Variants in SGMS1 observed in about 807,000 individuals in gnomAD.
SGMS1 encodes sphingomyelin synthase 1.
In SGMS1, 13 loss-of-function variants were observed where a neutral mutation model predicts 46.2. The observed-to-expected ratio is 0.28, with a 90% CI of 0.18 to 0.45. The LOEUF is 0.45. Ranked by LOEUF, SGMS1 falls within the 20% of genes least tolerant of loss-of-function variation. SGMS1 has a pLI of 1.00. For synonymous variants in SGMS1, 203 were observed against 187.8 expected, an observed-to-expected ratio of 1.08 and a Z score of -0.66; for missense variants, 324 against 519.9, an observed-to-expected ratio of 0.62 and a Z score of 3.66.
chr10:50,563,308 G>A (rs1171275680), intron 2 of SGMS1, among the ~76,000 whole-genome samples: 1 of 152,178 alleles, frequency 6.6e-6, no homozygotes, highest in East Asian at 1.9e-4. Context: ...GTACACACAG[G>A]GCAAACGGTC....
chr10:50,442,593 G>A (rs1849560517), intron 5 of SGMS1, among the ~76,000 whole-genome samples: 1 of 152,158 alleles, frequency 6.6e-6, no homozygotes, highest in African/African-American at 2.4e-5. Context: ...TATCACTGAT[G>A]GGCATTTAGG....
intron 4 of SGMS1, among the ~76,000 whole-genome samples, chr10:50,462,867 G>A (rs756762884): frequency 3.3e-5 from 5 of 152,098 alleles, no homozygotes; most frequent in Non-Finnish European, 5.9e-5. Flanking sequence ...CCCTGCCTGT[G>A]AAGCAAAAAG....
chr10:50,351,609 T>C (rs1848013910), intron 6 of SGMS1, among the ~76,000 whole-genome samples: 1 of 152,192 alleles, frequency 6.6e-6, no homozygotes, highest in Admixed American at 6.5e-5. Context: ...TGAATAAGTC[T>C]CATGAGATCT....
intron 6 of SGMS1, among the ~76,000 whole-genome samples, chr10:50,403,940 A>C (rs1250132904): frequency 6.6e-6 from 1 of 151,886 alleles, no homozygotes; most frequent in Non-Finnish European, 1.5e-5. Context: ...AACATGTTTA[A>C]TATTCCTTAC....
intron 3 of SGMS1, among the ~76,000 whole-genome samples, chr10:50,481,297 A>G (rs1031090674): frequency 6.6e-6 from 1 of 152,222 alleles, no homozygotes; most frequent in Non-Finnish European, 1.5e-5. Flanking sequence ...GCATCAGGTC[A>G]GTGCCCTTCT....
chr10:50,401,188 C>T (rs1848935405), intron 6 of SGMS1, among the ~76,000 whole-genome samples: 1 of 152,154 alleles, frequency 6.6e-6, no homozygotes, highest in Admixed American at 6.5e-5. Context: ...ACAGCAAGTT[C>T]TAAACTAGCC....
intron 6 of SGMS1, among the ~76,000 whole-genome samples, chr10:50,408,517 A>G (rs1849054177): frequency 6.6e-6 from 1 of 151,188 alleles, no homozygotes; most frequent in Non-Finnish European, 1.5e-5. Context: ...CCCCATCTCT[A>G]CTAAAAATAC....
rs116174620 is a variant in SGMS1, at chr10:50,313,578, A to G, written c.742-2163T>C. Among the ~76,000 whole-genome samples the G allele has an allele frequency of 8.9e-3, 1,357 of 152,346 alleles. 14 individuals are homozygous for G. Among genetic ancestry groups the G allele is most frequent in the African/African-American group, 0.031 (1,272 of 41,576 alleles). ...TAATTTTTTTTAAAGTTTCAAATTA[A>G]AAGTTTGGTCCAGTTCTGTTATAAC... On this transcript the variant is annotated intron_variant, in intron 8 of 10. Transcript: ENST00000361781.
At chr10:50,573,297 CAT>C (rs1838351955) in intron 2 of SGMS1, among the ~76,000 whole-genome samples, 1 of 152,140 alleles carries the variant, frequency 6.6e-6, no homozygotes, top group African/African-American at 2.4e-5. Context: ...TTGCATATAA[CAT>C]AATCTTATAT....
At chr10:50,559,054 T>A (rs1199575180) in intron 2 of SGMS1, among the ~76,000 whole-genome samples, 1 of 152,138 alleles carries the variant, frequency 6.6e-6, no homozygotes, top group Non-Finnish European at 1.5e-5. Context: ...TGCTGCAGAC[T>A]GGCCCAGAGA....
Position 50,442,121 on chromosome 10 carries a change from AAAAAC to A in SGMS1, c.-312-8570_-312-8566del, listed in dbSNP as rs933203197. On this transcript the variant is annotated intron_variant, in intron 5 of 10. Coordinates refer to ENST00000361781, the MANE Select transcript of SGMS1 (RefSeq NM_147156.4). ...GAACGCATGGGTTTGGTTAAAGATA[AAAAAC>A]AAAACAAAACAAAACAAAAGGGCGT... is the stretch of plus-strand genomic sequence containing the variant. Among the ~76,000 whole-genome samples, 11 of 152,302 alleles carry A rather than the reference AAAAAC, an allele frequency of 7.2e-5. No individual in the cohort carries two copies. In the South Asian group the frequency reaches 1.5e-3, roughly 20 times the overall value.
At chr10:50,387,605 G>C (rs900041153) in intron 6 of SGMS1, among the ~76,000 whole-genome samples, 3 of 152,168 alleles carry the variant, frequency 2.0e-5, no homozygotes, top group Non-Finnish European at 2.9e-5. Context: ...GATAACCAGT[G>C]CTAACAGGTA....
intron 6 of SGMS1, among the ~76,000 whole-genome samples, chr10:50,369,799 G>A (rs1478595246): frequency 6.6e-6 from 1 of 152,188 alleles, no homozygotes; most frequent in Non-Finnish European, 1.5e-5. Flanking sequence ...TTCACGACGA[G>A]ATACCTTCTA....
At chr10:50,467,935 A>T (rs1407693621) in intron 3 of SGMS1, among the ~76,000 whole-genome samples, 1 of 152,192 alleles carries the variant, frequency 6.6e-6, no homozygotes, top group Admixed American at 6.5e-5. Context: ...TATGATAGAA[A>T]CAGAAGGGGA....
intron 6 of SGMS1, among the ~76,000 whole-genome samples, chr10:50,372,783 C>T (rs571529227): frequency 6.6e-6 from 1 of 152,084 alleles, no homozygotes; most frequent in South Asian, 2.1e-4. Context: ...GAGATTTGCT[C>T]AAGGAGGAGA....
intron 2 of SGMS1, among the ~76,000 whole-genome samples, chr10:50,560,902 G>C (rs909966613): frequency 1.3e-5 from 2 of 152,070 alleles, no homozygotes; most frequent in African/African-American, 4.8e-5. Context: ...GTTTTTAAAG[G>C]CTGCATTACT....
intron 6 of SGMS1, among the ~76,000 whole-genome samples, chr10:50,393,099 A>G (rs1424729010): frequency 1.3e-5 from 2 of 152,072 alleles, no homozygotes; most frequent in East Asian, 3.9e-4. Flanking sequence ...GCCACTATTT[A>G]CAGCAAGCAG....
At chr10:50,376,195 T>A (rs1027963501) in intron 6 of SGMS1, among the ~76,000 whole-genome samples, 6 of 152,164 alleles carry the variant, frequency 3.9e-5, no homozygotes, top group Admixed American at 3.3e-4. Context: ...ATGTTCGCTG[T>A]GGTGTGGGGA....
In SGMS1 at chr10:50,440,274, A is replaced by AT. The variant is rs1237442497; in HGVS notation, c.-312-6719_-312-6718insA. ...AACTCTCCCAGCAACCCAAATTAAA[A>AT]AATATATATATATATATATTTTCTT... On this transcript the variant is annotated intron_variant, in intron 5 of 10. Coordinates refer to ENST00000361781, the MANE Select transcript of SGMS1 (RefSeq NM_147156.4). 8.2e-3 allele frequency among the ~76,000 whole-genome samples: 1,234 copies of AT among 149,634 alleles called. 14 individuals are homozygous for AT. Among genetic ancestry groups the AT allele is most frequent in the Non-Finnish European group, 9.5e-3 (644 of 67,548 alleles).
Sources: allele counts gnomAD v4.1 joint callset (sites outside exome capture counted in the v4.1 genomes callset), GRCh38; gene constraint gnomAD v4.1.1; transcripts MANE v1.5; gene names NCBI Gene and HGNC (gene_info 2026-07-23, HGNC 2026-07-21).